The following CTNNA2 variants were observed in gnomAD, a reference collection of about 807,000 sequenced individuals.
CTNNA2 encodes catenin alpha 2.
A neutral mutation model predicts 101.0 loss-of-function variants in CTNNA2; 42 were observed. The ratio of observed to expected loss-of-function variants is 0.42; its 90% CI spans 0.32 to 0.54. The LOEUF is 0.54. Among genes scored for constraint, CTNNA2 ranks in the 20% least tolerant of loss-of-function variants. The probability of loss-of-function intolerance (pLI) is 0.14; values close to 1 mark genes in which losing one functional copy is unlikely to be tolerated. For missense variants in CTNNA2, 871 were observed against 1,223.1 expected, an observed-to-expected ratio of 0.71 and a Z score of 4.29; for synonymous variants, 450 against 456.4, an observed-to-expected ratio of 0.99 and a Z score of 0.18.
Position 80,302,071 on chromosome 2 carries a change from G to T in CTNNA2, c.1057-91140G>T. 1 of 796,434 alleles carries T rather than the reference G, an allele frequency of 1.3e-6. No homozygotes were observed. The highest frequency in any genetic ancestry group is 1.9e-6 in the Non-Finnish European group (1 of 531,220). 49.3% of individuals were successfully genotyped at this position (796,434 alleles called of 1,614,324 possible). ...GGGGTTTTTTGTTGTGTTTTAATTC[G>T]CTTTTGTTTTTAAGACACAATAAAG... On this transcript the variant is annotated intron_variant, in intron 7 of 18. Transcript: ENST00000402739. The surrounding 1 kb of genome is among the most constrained non-coding windows in gnomAD (Gnocchi z 6.4).
chr2:80,545,833 C>T, intron 10 of CTNNA2, 74 bp from the exon 11 acceptor site: 1 of 1,511,066 alleles, frequency 6.6e-7, no homozygotes, highest in Non-Finnish European at 9.0e-7. Flanking sequence ...ATGGTTTTAA[C>T]ATGGTCTTTG....
chr2:80,086,960 C>G (rs903915626), intron 7 of CTNNA2, among the ~76,000 whole-genome samples: 4 of 151,990 alleles, frequency 2.6e-5, no homozygotes, highest in Non-Finnish European at 4.4e-5. Context: ...AAATGTGTTT[C>G]CAGATGATGC....
chr2:79,527,331 G>A (rs1019830114), intron 1 of CTNNA2, among the ~76,000 whole-genome samples: 3 of 151,858 alleles, frequency 2.0e-5, no homozygotes, highest in Non-Finnish European at 4.4e-5. Context: ...TGCTAGACGA[G>A]TTCTAATAAA....
chr2:79,308,064 G>A (rs1268825134), intron 2 of CTNNA2, among the ~76,000 whole-genome samples: 1 of 152,076 alleles, frequency 6.6e-6, no homozygotes, highest in Non-Finnish European at 1.5e-5. Flanking sequence ...TTTATTTCGA[G>A]ATTGAGTTTT....
At chr2:79,457,976 C>T (rs1197675944) in intron 4 of CTNNA2, among the ~76,000 whole-genome samples, 4 of 152,196 alleles carry the variant, frequency 2.6e-5, no homozygotes, top group South Asian at 4.1e-4. Context: ...GCACCCTTCC[C>T]TCACATTATA....
chr2:80,221,769 A>G (rs1047596433), intron 7 of CTNNA2, among the ~76,000 whole-genome samples: 4 of 152,244 alleles, frequency 2.6e-5, no homozygotes, highest in Non-Finnish European at 5.9e-5. Context: ...AGATGAAGGA[A>G]AGGATGAGGT....
intron 7 of CTNNA2, among the ~76,000 whole-genome samples, chr2:80,056,127 C>T (rs1697199909): frequency 6.6e-6 from 1 of 152,180 alleles, no homozygotes; most frequent in Non-Finnish European, 1.5e-5. Context: ...GAGGATTGTA[C>T]AGCTTCAAGA....
intron 9 of CTNNA2, among the ~76,000 whole-genome samples, chr2:80,485,448 C>G (rs1418006350): frequency 2.6e-5 from 4 of 152,174 alleles, no homozygotes; most frequent in Non-Finnish European, 5.9e-5. Flanking sequence ...GTTGTATTCA[C>G]CCTGGAGCCT....
chr2:79,458,262 A>G (rs10520243), intron 4 of CTNNA2, among the ~76,000 whole-genome samples: 5,896 of 152,254 alleles, frequency 0.039, 362 homozygotes, highest in African/African-American at 0.13. Flanking sequence ...TCACCTAATA[A>G]AACACTAAAA....
At chr2:80,027,540 T>C (rs759646043) in intron 7 of CTNNA2, among the ~76,000 whole-genome samples, 1 of 152,192 alleles carries the variant, frequency 6.6e-6, no homozygotes, top group Non-Finnish European at 1.5e-5. Flanking sequence ...GGAGATTAGA[T>C]AGATGCCAAT....
intron 2 of CTNNA2, among the ~76,000 whole-genome samples, chr2:79,247,689 G>T (rs1674716564): frequency 6.6e-6 from 1 of 152,202 alleles, no homozygotes; most frequent in Non-Finnish European, 1.5e-5. Context: ...ATGTGATTAA[G>T]CTAAGACTCT....
At position 80,603,883 on chromosome 2, in the gene CTNNA2, T is replaced by TA. The variant is rs1461707216; in HGVS notation, c.2190-190dup. On this transcript the variant is annotated intron_variant, in intron 15 of 18. Transcript: ENST00000402739. ...TAAAATGTGAACATGCACATAAAAA[T>TA]ATGGGAAAATATTTCCAAAAACGAC... 16 of 544,716 alleles carry TA rather than the reference T, an allele frequency of 2.9e-5. No homozygotes were observed. The Admixed American group carries it at 5.3e-4, about 18-fold the overall frequency. The allele number at this position is 544,716 out of a possible 1,614,324, so 33.7% of individuals were successfully genotyped here. A position where few individuals can be genotyped will look rare whatever the true frequency, so the allele number is the denominator to read the frequency against.
intron 7 of CTNNA2, among the ~76,000 whole-genome samples, chr2:80,120,206 A>G (rs557835464): frequency 1.3e-5 from 2 of 152,322 alleles, no homozygotes. Flanking sequence ...ATAGACTTTC[A>G]TTCATTAAAA....
chr2:80,119,425 A>G (rs1701710007), intron 7 of CTNNA2, among the ~76,000 whole-genome samples: 1 of 152,200 alleles, frequency 6.6e-6, no homozygotes, highest in Non-Finnish European at 1.5e-5. Flanking sequence ...TGGGAGGAAT[A>G]TGCAAGGACT....
At chr2:79,572,443 G>T (rs1464058654) in intron 1 of CTNNA2, among the ~76,000 whole-genome samples, 5 of 152,000 alleles carry the variant, frequency 3.3e-5, no homozygotes, top group Non-Finnish European at 7.4e-5. Flanking sequence ...CTGGGCTTTA[G>T]TTTCCTCATT....
At chr2:80,340,366 T>C (rs932860830) in intron 7 of CTNNA2, among the ~76,000 whole-genome samples, 2 of 152,242 alleles carry the variant, frequency 1.3e-5, no homozygotes, top group South Asian at 4.1e-4. Context: ...CCTTTTGCTG[T>C]CTTCAAGTTT....
At chr2:80,641,329 G>A (rs1404013646) in intron 18 of CTNNA2, among the ~76,000 whole-genome samples, 1 of 152,098 alleles carries the variant, frequency 6.6e-6, no homozygotes, top group Non-Finnish European at 1.5e-5. Flanking sequence ...GGATTTTCAT[G>A]AACTGCCATT....
intron 7 of CTNNA2, among the ~76,000 whole-genome samples, chr2:80,278,792 C>A (rs1415917160): frequency 1.3e-5 from 2 of 151,738 alleles, no homozygotes; most frequent in Non-Finnish European, 2.9e-5. Flanking sequence ...TATAGTGAGA[C>A]CCCATCTCTA....
chr2:79,806,689 C>T (rs570651145), intron 3 of CTNNA2, among the ~76,000 whole-genome samples: 44 of 152,142 alleles, frequency 2.9e-4, no homozygotes, highest in African/African-American at 1.0e-3. Flanking sequence ...CCTCTTCCTC[C>T]GAGCTGAGTT....
Sources: gnomAD v4.1 joint callset for allele counts (sites outside exome capture counted in the v4.1 genomes callset) on GRCh38, gnomAD v4.1.1 for gene constraint, Gnocchi (gnomAD v3.1) non-coding constraint, MANE v1.5 for transcripts, NCBI Gene and HGNC (gene_info 2026-07-23, HGNC 2026-07-21) for gene names.